The following AOPEP variants were observed in gnomAD, a reference collection of about 807,000 sequenced individuals.
The protein encoded by AOPEP is aminopeptidase O (putative).
A neutral mutation model predicts 98.1 loss-of-function variants in AOPEP; 77 were observed. The observed-to-expected ratio is 0.78, with a 90% confidence interval of 0.65 to 0.95. The LOEUF (loss-of-function observed/expected upper bound fraction) is 0.95, where lower values mean the gene tolerates loss of function less well. AOPEP is among the 40% of genes least tolerant of loss of function. The pLI, the probability that AOPEP is intolerant of heterozygous loss-of-function variation, is 0.00. For missense variants in AOPEP, 1,024 were observed against 1,024.7 expected, an observed-to-expected ratio of 1.00 and a Z score of 0.01; for synonymous variants, 346 against 365.3, an observed-to-expected ratio of 0.95 and a Z score of 0.60.
At chr9:94,781,310 A>G (rs183049241) in intron 3 of AOPEP, among the ~76,000 whole-genome samples, 6 of 152,170 alleles carry the variant, frequency 3.9e-5, no homozygotes, top group African/African-American at 1.2e-4. Flanking sequence ...TGCCTTGTAT[A>G]GAATAAGTGC....
intron 13 of AOPEP, among the ~76,000 whole-genome samples, chr9:95,009,051 A>G (rs776064683): frequency 6.6e-6 from 1 of 152,230 alleles, no homozygotes; most frequent in Non-Finnish European, 1.5e-5. Context: ...CAAGGAAAGT[A>G]TGAATAACTA....
intron 5 of AOPEP, among the ~76,000 whole-genome samples, chr9:94,918,115 G>A (rs995107424): frequency 2.0e-5 from 3 of 152,190 alleles, no homozygotes; most frequent in African/African-American, 4.8e-5. Flanking sequence ...TGGAGATCAG[G>A]GAGAGGTAGA....
At position 94,800,946 on chromosome 9, in the gene AOPEP, C is replaced by G. The variant is rs150549875; in HGVS notation, c.1308C>G (p.Phe436Leu). ...ATTCTGTTCTGGGAGCACACCCGTT[C>G]TCTCGGCTGGATGTTCTCATCGTCC... is the stretch of plus-strand genomic sequence containing the variant. ...AAHSVLGAHP[F>L]SRLDVLIVPA... Residue 436 changes from phenylalanine (F) to leucine (L), a missense_variant, in exon 5 of 17, where the codon TTC (phenylalanine) becomes TTG (leucine). Physicochemically the swap from Phe to Leu is conservative, Grantham distance 22. Around this residue, in one of 3 missense-constraint regions of AOPEP, gnomAD observed 566 missense variants for 551.7 expected, o/e 1.03. Transcript: ENST00000375315. 3.7e-6 allele frequency: 6 copies of G among 1,614,082 alleles called. No individual in the cohort carries two copies. Among genetic ancestry groups the G allele is most frequent in the Non-Finnish European group, 5.1e-6 (6 of 1,180,048 alleles).
At chr9:94,767,195 A>G (rs1440064474) in intron 2 of AOPEP, among the ~76,000 whole-genome samples, 4 of 152,220 alleles carry the variant, frequency 2.6e-5, no homozygotes, top group Non-Finnish European at 4.4e-5. Context: ...TGGAATACAC[A>G]TTAATTCTAT....
At chr9:95,052,760 G>GT (rs1431030454) in intron 13 of AOPEP, among the ~76,000 whole-genome samples, 1 of 152,018 alleles carries the variant, frequency 6.6e-6, no homozygotes, top group Non-Finnish European at 1.5e-5. Flanking sequence ...GAAATTACTG[G>GT]TTTTTTCCCT....
chr9:94,887,765 GCA>G (rs1363012486), intron 5 of AOPEP, among the ~76,000 whole-genome samples: 1 of 152,184 alleles, frequency 6.6e-6, no homozygotes, highest in African/African-American at 2.4e-5. Context: ...ATAGACCTGT[GCA>G]CAGAGTGGTG....
At chr9:94,894,188 A>C (rs1183353400) in intron 5 of AOPEP, among the ~76,000 whole-genome samples, 3 of 152,218 alleles carry the variant, frequency 2.0e-5, no homozygotes, top group South Asian at 2.1e-4. Context: ...ATCAACCTAC[A>C]GAATGCAAAA....
At chr9:94,752,385 A>ACC (rs1491005511) in intron 1 of AOPEP, among the ~76,000 whole-genome samples, 10 of 137,612 alleles carry the variant, frequency 7.3e-5, no homozygotes, top group Admixed American at 4.2e-4. Flanking sequence ...ACACACACAC[A>ACC]CCCCACATGC....
chr9:95,086,621 G>A (rs2070738255), intron 16 of AOPEP, 61 bp from the exon 17 acceptor site: 7 of 988,152 alleles, frequency 7.1e-6, no homozygotes, highest in Non-Finnish European at 8.4e-6. Flanking sequence ...ACAGAGGTGC[G>A]CGCTCACAAG....
intron 5 of AOPEP, among the ~76,000 whole-genome samples, chr9:94,884,247 A>G (rs2047925178): frequency 6.6e-6 from 1 of 152,188 alleles, no homozygotes; most frequent in African/African-American, 2.4e-5. Context: ...TTGTTCCTTG[A>G]TATCAGTGGG....
intron 4 of AOPEP, among the ~76,000 whole-genome samples, chr9:94,799,978 A>G (rs764116206): frequency 2.2e-4 from 34 of 152,316 alleles, no homozygotes; most frequent in African/African-American, 8.2e-4. Flanking sequence ...GTTTGAGTAG[A>G]TAAGTTCTCT....
the AOPEP span, chr9:95,107,423 T>G: frequency 1.3e-6 from 1 of 783,900 alleles, no homozygotes; most frequent in East Asian, 2.7e-5. Context: ...TACACTCGAT[T>G]TCACACAAAC....
At chr9:95,120,604 TAG>T in the AOPEP span, among the ~76,000 whole-genome samples, 1 of 151,712 alleles carries the variant, frequency 6.6e-6, no homozygotes, top group Non-Finnish European at 1.5e-5. Context: ...TACTTTTTTG[TAG>T]AGACTGGGGT....
intron 14 of AOPEP, among the ~76,000 whole-genome samples, chr9:95,063,035 G>C (rs1462041920): frequency 6.6e-6 from 1 of 152,342 alleles, no homozygotes; most frequent in South Asian, 2.1e-4. Flanking sequence ...GGCCTGGAGA[G>C]TGAAGCTGAC....
chr9:94,818,838 CA>C (rs1170190170), intron 5 of AOPEP, among the ~76,000 whole-genome samples: 1 of 151,958 alleles, frequency 6.6e-6, no homozygotes, highest in Non-Finnish European at 1.5e-5. Flanking sequence ...ACTAAAAATA[CA>C]AAAAATTAGC....
intron 11 of AOPEP, among the ~76,000 whole-genome samples, chr9:94,993,477 C>T (rs959011122): frequency 2.0e-5 from 3 of 152,148 alleles, no homozygotes; most frequent in Admixed American, 2.0e-4. Flanking sequence ...GAAATTGCTA[C>T]AGTGATCGCT....
rs11423201 is a variant in AOPEP at position 94,819,946 on chromosome 9, C to CTTT, written c.1364+18959_1364+18961dup. Reference sequence around the variant, plus strand: ...AATAATAAGTTTCTTTAGTGCAATTCTTTTTTTTTTTTTTTTTGAGATGGA... The same window carrying CTTT: ...AATAATAAGTTTCTTTAGTGCAATTCTTTTTTTTTTTTTTTTTTTTGAGATGGA... On this transcript the variant is annotated intron_variant, in intron 5 of 16. Coordinates refer to ENST00000375315, the MANE Select transcript of AOPEP (RefSeq NM_001193329.3). Among the ~76,000 whole-genome samples, 22 of 121,580 alleles carry CTTT rather than the reference C, an allele frequency of 1.8e-4. 5 individuals are homozygous for CTTT. The highest frequency in any genetic ancestry group is 4.9e-4 in the East Asian group (2 of 4,082). 79.8% of individuals were successfully genotyped at this position (121,580 alleles called of 152,430 possible). A position where few individuals can be genotyped will look rare whatever the true frequency, so the allele number is the denominator to read the frequency against.
intron 6 of AOPEP, among the ~76,000 whole-genome samples, chr9:94,927,242 A>G (rs2054490779): frequency 6.6e-6 from 1 of 152,120 alleles, no homozygotes; most frequent in Admixed American, 6.5e-5. Context: ...TTAGGGCCCC[A>G]CTCATGACTT....
chr9:94,767,231 A>G (rs1408300229), intron 2 of AOPEP, among the ~76,000 whole-genome samples: 1 of 152,226 alleles, frequency 6.6e-6, no homozygotes, highest in Non-Finnish European at 1.5e-5. Context: ...CAGAGTCGGA[A>G]TCATGAGTGA....
Sources: allele counts gnomAD v4.1 joint callset (sites outside exome capture counted in the v4.1 genomes callset), GRCh38; gene constraint gnomAD v4.1.1; regional missense constraint gnomAD v4.1.1; transcripts MANE v1.5; gene names NCBI Gene and HGNC (gene_info 2026-07-23, HGNC 2026-07-21).